PAPPA2: variants seen among roughly 807,000 people sequenced by gnomAD.
The protein encoded by PAPPA2 is pappalysin 2, also known as pappalysin-2.
In PAPPA2, 86 loss-of-function variants were observed where a neutral mutation model predicts 176.4. That is an observed-to-expected ratio of 0.49 (90% CI 0.41 to 0.58). PAPPA2 has a LOEUF of 0.58. Among genes scored for constraint, PAPPA2 ranks in the 20% least tolerant of loss-of-function variants. The pLI is 0.00. For synonymous variants in PAPPA2, 809 were observed against 852.2 expected (o/e 0.95, Z 0.88); for missense variants, 2,073 against 2,256.9 (o/e 0.92, Z 1.65).
chr1:176,482,015 A>G (rs1485650010), intron 1 of PAPPA2, among the ~76,000 whole-genome samples: 1 of 152,172 alleles, frequency 6.6e-6, no homozygotes, highest in Non-Finnish European at 1.5e-5. Flanking sequence ...GCCGGACAAG[A>G]ATAGATGCAT....
intron 12 of PAPPA2, among the ~76,000 whole-genome samples, chr1:176,734,477 A>AT (rs1186647639): frequency 1.3e-5 from 2 of 151,986 alleles, no homozygotes; most frequent in South Asian, 4.2e-4. Context: ...TAACTCAGGA[A>AT]ATCAGCTGGG....
At chr1:176,656,689 T>C (rs1229035767) in intron 3 of PAPPA2, among the ~76,000 whole-genome samples, 2 of 151,788 alleles carry the variant, frequency 1.3e-5, no homozygotes, top group African/African-American at 4.8e-5. Context: ...TAAACCTCTT[T>C]CCTCAATTGC....
intron 4 of PAPPA2, among the ~76,000 whole-genome samples, chr1:176,680,639 C>T (rs987029169): frequency 2.6e-5 from 4 of 152,106 alleles, no homozygotes; most frequent in Admixed American, 1.3e-4. Flanking sequence ...AGTTATAAAG[C>T]GTTAAAAATC....
intron 2 of PAPPA2, among the ~76,000 whole-genome samples, chr1:176,558,438 G>T (rs1053684039): frequency 1.3e-5 from 2 of 152,164 alleles, no homozygotes; most frequent in African/African-American, 4.8e-5. Flanking sequence ...TTTCAAGGGG[G>T]TGTTGCTGGA....
chr1:176,630,938 G>A (rs1415194268), intron 3 of PAPPA2, among the ~76,000 whole-genome samples: 1 of 152,108 alleles, frequency 6.6e-6, no homozygotes, highest in African/African-American at 2.4e-5. Flanking sequence ...ATAGCATGTC[G>A]ATCAGGAATA....
intron 1 of PAPPA2, among the ~76,000 whole-genome samples, chr1:176,528,661 C>A: frequency 6.6e-6 from 1 of 152,196 alleles, no homozygotes. Context: ...TTACATACGG[C>A]ACCAATTTCC....
intron 1 of PAPPA2, among the ~76,000 whole-genome samples, chr1:176,512,317 A>C (rs1648657344): frequency 6.6e-6 from 1 of 152,096 alleles, no homozygotes; most frequent in Admixed American, 6.5e-5. Context: ...GTGAAATGGT[A>C]CACCAGTTTG....
intron 14 of PAPPA2, among the ~76,000 whole-genome samples, chr1:176,748,471 A>G (rs1459500820): frequency 3.3e-5 from 5 of 152,188 alleles, no homozygotes; most frequent in Non-Finnish European, 2.9e-5. Flanking sequence ...CATCTATTTT[A>G]TGAATGATAC....
intron 15 of PAPPA2, among the ~76,000 whole-genome samples, chr1:176,767,529 G>T (rs745476440): frequency 7.2e-5 from 11 of 152,112 alleles, no homozygotes; most frequent in African/African-American, 2.4e-4. Flanking sequence ...TGTATTTTTA[G>T]TAGAGACGGG....
At position 176,799,749 on chromosome 1, in the gene PAPPA2, C is replaced by T. The variant is rs1226136009; in HGVS notation, c.5131-312C>T. Among the ~76,000 whole-genome samples the T allele has an allele frequency of 3.3e-5, 5 of 152,122 alleles. No individual in the cohort carries two copies. In the East Asian group the frequency reaches 9.6e-4, roughly 29 times the overall value. On this transcript the variant is annotated intron_variant, in intron 20 of 22. Coordinates refer to ENST00000367662, the MANE Select transcript of PAPPA2 (RefSeq NM_020318.3). ...ATATTATGCCTGAAACCAGATGAAA[C>T]TCATTATAATATTGAGGATGCTTTT...
chr1:176,521,294 A>G (rs367584891), intron 1 of PAPPA2, among the ~76,000 whole-genome samples: 7 of 152,196 alleles, frequency 4.6e-5, no homozygotes, highest in South Asian at 2.1e-4. Context: ...CCAAGTCTTC[A>G]GAAATATACA....
At chr1:176,739,901 G>A in intron 13 of PAPPA2, 79 bp from the exon 14 acceptor site, 1 of 1,576,742 alleles carries the variant, frequency 6.3e-7, no homozygotes. Flanking sequence ...CACCTATTAA[G>A]AGGATAAAAT....
intron 1 of PAPPA2, among the ~76,000 whole-genome samples, chr1:176,493,091 C>A (rs1366628526): frequency 6.6e-6 from 1 of 152,134 alleles, no homozygotes; most frequent in Non-Finnish European, 1.5e-5. Flanking sequence ...TTGAAAAACA[C>A]TGGATAAGAA....
chr1:176,719,185 A>G (rs1661506686), intron 12 of PAPPA2, among the ~76,000 whole-genome samples: 1 of 152,066 alleles, frequency 6.6e-6, no homozygotes, highest in Non-Finnish European at 1.5e-5. Context: ...GGGAAAAATT[A>G]CAATTGCTTC....
intron 2 of PAPPA2, among the ~76,000 whole-genome samples, chr1:176,592,855 A>G (rs189075647): frequency 2.7e-4 from 41 of 152,342 alleles, no homozygotes; most frequent in African/African-American, 8.9e-4. Context: ...TTATTAAAAT[A>G]AGTGGACCAG....
intron 3 of PAPPA2, among the ~76,000 whole-genome samples, chr1:176,608,686 T>C (rs1654751862): frequency 6.6e-6 from 1 of 152,160 alleles, no homozygotes; most frequent in East Asian, 1.9e-4. Context: ...CCTACCTTTG[T>C]AAGCCCTTTT....
At chr1:176,649,928 C>A (rs1657620228) in intron 3 of PAPPA2, among the ~76,000 whole-genome samples, 1 of 151,476 alleles carries the variant, frequency 6.6e-6, no homozygotes, top group Admixed American at 6.6e-5. Flanking sequence ...CTATAGTGTA[C>A]AATTTAACTC....
chr1:176,791,588 C>G, intron 19 of PAPPA2, 106 bp downstream of exon 19: 4 of 1,343,804 alleles, frequency 3.0e-6, no homozygotes, highest in South Asian at 3.0e-5. Flanking sequence ...GAGTCTTGCT[C>G]TGTCGCCCAG....
intron 1 of PAPPA2, among the ~76,000 whole-genome samples, chr1:176,518,126 C>T (rs543220334): frequency 6.6e-6 from 1 of 152,248 alleles, no homozygotes; most frequent in East Asian, 1.9e-4. Context: ...TACATATCTA[C>T]CTACCTACTT....
Sources: allele counts gnomAD v4.1 joint callset (sites outside exome capture counted in the v4.1 genomes callset), GRCh38; gene constraint gnomAD v4.1.1; transcripts MANE v1.5; gene names NCBI Gene and HGNC (gene_info 2026-07-23, HGNC 2026-07-21).